CCDC12: variants seen among roughly 807,000 people sequenced by gnomAD.
CCDC12 encodes coiled-coil domain-containing protein 12.
A neutral mutation model predicts 25.7 loss-of-function variants in CCDC12; 28 were observed. The ratio of observed to expected loss-of-function variants is 1.09; its 90% CI spans 0.81 to 1.50. The LOEUF is 1.50. Among genes scored for constraint, CCDC12 ranks in the 40% most tolerant of loss-of-function variants. The pLI is 0.00. For synonymous variants in CCDC12, 75 were observed against 87.7 expected (o/e 0.86, Z 0.81); for missense variants, 198 against 210.0 (o/e 0.94, Z 0.35).
chr3:46,928,077 G>A (rs989578093), intron 2 of CCDC12, among the ~76,000 whole-genome samples: 5 of 152,034 alleles, frequency 3.3e-5, no homozygotes, highest in Non-Finnish European at 2.9e-5. Context: ...GGCGAAACCC[G>A]GTCTCTACTA....
chr3:46,948,609 C>T (rs918610022), intron 1 of CCDC12, among the ~76,000 whole-genome samples: 3 of 152,220 alleles, frequency 2.0e-5, no homozygotes, highest in Admixed American at 1.3e-4. Context: ...CAAGGCCTGA[C>T]GAAGGTTGGT....
At chr3:46,977,660 T>C (rs750096224), upstream of CCDC12, among the ~76,000 whole-genome samples, 1 of 152,140 alleles carries the variant, frequency 6.6e-6, no homozygotes, top group Non-Finnish European at 1.5e-5. Flanking sequence ...CCTGACTGTA[T>C]GGCTGTTTCC....
At chr3:46,961,012 T>C (rs949001029) in intron 1 of CCDC12, among the ~76,000 whole-genome samples, 4 of 99,814 alleles carry the variant, frequency 4.0e-5, no homozygotes, top group Non-Finnish European at 6.1e-5. Flanking sequence ...TGGGAGGGTG[T>C]GGGGAGAAGG....
At chr3:46,932,328 G>T (rs547572576) in intron 2 of CCDC12, among the ~76,000 whole-genome samples, 2 of 152,346 alleles carry the variant, frequency 1.3e-5, no homozygotes, top group East Asian at 3.9e-4. Context: ...ACCAGGCTAT[G>T]AGGGCAAAGG....
At chr3:46,964,284 T>A (rs2034568677) in intron 1 of CCDC12, among the ~76,000 whole-genome samples, 1 of 146,738 alleles carries the variant, frequency 6.8e-6, no homozygotes, top group Non-Finnish European at 1.5e-5. Context: ...GGGAGGGAGG[T>A]GGGGGTCAGC....
rs143906408 is a variant in CCDC12, at chr3:46,940,600, C to G, written c.164+398G>C. 251 of 185,458 alleles carry G rather than the reference C, an allele frequency of 1.4e-3. 2 individuals are homozygous for G. The highest frequency in any genetic ancestry group is 4.6e-3 in the African/African-American group (195 of 42,696). 11.5% of individuals were successfully genotyped at this position (185,458 alleles called of 1,614,324 possible). A position where few individuals can be genotyped will look rare whatever the true frequency, so the allele number is the denominator to read the frequency against. ...TGGCAAGGGCCGACCACAAAGGGCT[C>G]TGGCTAGAGGGAAACCAGAGGAGGT... On this transcript the variant is annotated intron_variant, in intron 2 of 6. Transcript: ENST00000683445.
rs1348288934 is a variant in CCDC12, at chr3:46,957,969, AC to A, written c.97-16905del. Among the ~76,000 whole-genome samples, 758 of 123,282 alleles carry A rather than the reference AC, an allele frequency of 6.1e-3. 6 individuals are homozygous for A. The highest frequency in any genetic ancestry group is 0.022 in the African/African-American group (727 of 33,808). The allele number at this position is 123,282 out of a possible 152,430, so 80.9% of individuals were successfully genotyped here. On this transcript the variant is annotated intron_variant, in intron 1 of 6. Coordinates refer to ENST00000683445, the MANE Select transcript of CCDC12 (RefSeq NM_001277074.2). ...AAAATAAAAAAATAAATACACACAC[AC>A]ACACACACACACACACACACACACA...
intron 2 of CCDC12, among the ~76,000 whole-genome samples, chr3:46,939,551 G>A (rs1175240102): frequency 6.6e-6 from 1 of 152,188 alleles, no homozygotes; most frequent in Admixed American, 6.5e-5. Flanking sequence ...ATATGTTGGG[G>A]TCACCTGGCA....
chr3:46,981,334 C>T (rs987021150), upstream of CCDC12, among the ~76,000 whole-genome samples: 1 of 152,030 alleles, frequency 6.6e-6, no homozygotes, highest in Admixed American at 6.5e-5. Context: ...CCCAGCTACT[C>T]GGGAGGCTGA....
At chr3:46,970,893 G>A (rs151025785) in intron 1 of CCDC12, among the ~76,000 whole-genome samples, 2 of 152,260 alleles carry the variant, frequency 1.3e-5, no homozygotes, top group East Asian at 1.9e-4. Flanking sequence ...ACTTCTGGAT[G>A]AGCATCAGGA....
chr3:46,967,958 G>A (rs970314025), intron 1 of CCDC12, among the ~76,000 whole-genome samples: 4 of 152,166 alleles, frequency 2.6e-5, no homozygotes, highest in African/African-American at 9.7e-5. Flanking sequence ...CTGAGGTAGG[G>A]CCAGAAAAAA....
rs151071993 is a variant in CCDC12, at chr3:46,959,975, T to C, written c.96+16662A>G. ...ACTACTCATAAGCCAACCAATGAGA[T>C]AAAGCAGGGTATGTATATCGATACT... is the stretch of plus-strand genomic sequence containing the variant. On this transcript the variant is annotated intron_variant, in intron 1 of 6. Transcript: ENST00000683445. 4.6e-5 allele frequency among the ~76,000 whole-genome samples: 7 copies of C among 152,246 alleles called. No individual in the cohort carries two copies. The East Asian group carries it at 9.7e-4, about 21-fold the overall frequency.
At position 46,946,208 on chromosome 3, in the gene CCDC12, C is replaced by T. The variant is rs377107342; in HGVS notation, c.97-5143G>A. Among the ~76,000 whole-genome samples, 10 of 152,344 alleles carry T rather than the reference C, an allele frequency of 6.6e-5. No homozygotes were observed. The East Asian group carries it at 1.5e-3, about 23-fold the overall frequency. ...TCTCTTTCCTTGCACCCCTCAGTCT[C>T]CTTTGTGGGCCAGGTCTACCTTGGG... On this transcript the variant is annotated intron_variant, in intron 1 of 6. Coordinates refer to ENST00000683445, the MANE Select transcript of CCDC12 (RefSeq NM_001277074.2).
At chr3:46,931,123 C>T (rs964615966) in intron 2 of CCDC12, among the ~76,000 whole-genome samples, 2 of 152,184 alleles carry the variant, frequency 1.3e-5, no homozygotes, top group Non-Finnish European at 2.9e-5. Flanking sequence ...GTGGCTGGGC[C>T]GGGGCAGCCA....
intron 2 of CCDC12, among the ~76,000 whole-genome samples, chr3:46,930,790 G>A (rs2033175944): frequency 6.6e-6 from 1 of 152,128 alleles, no homozygotes; most frequent in Non-Finnish European, 1.5e-5. Flanking sequence ...GCCCCTCCCA[G>A]TGTCCCTACT....
chr3:46,939,685 C>G (rs1375360209), intron 2 of CCDC12, among the ~76,000 whole-genome samples: 1 of 152,204 alleles, frequency 6.6e-6, no homozygotes, highest in Non-Finnish European at 1.5e-5. Context: ...TTTAGCATCA[C>G]CAGCCTCTAA....
intron 1 of CCDC12, among the ~76,000 whole-genome samples, chr3:46,956,088 A>T (rs1333025175): frequency 6.6e-6 from 1 of 152,244 alleles, no homozygotes; most frequent in East Asian, 1.9e-4. Context: ...TCTCTCAAAT[A>T]AACAGCCCTA....
intron 1 of CCDC12, among the ~76,000 whole-genome samples, chr3:46,953,910 A>C (rs967547328): frequency 2.6e-5 from 4 of 152,096 alleles, no homozygotes; most frequent in Non-Finnish European, 5.9e-5. Flanking sequence ...CTTTTCTTGG[A>C]GGGGAAAAAA....
intron 1 of CCDC12, among the ~76,000 whole-genome samples, chr3:46,961,591 G>T (rs764024611): frequency 2.6e-5 from 4 of 152,210 alleles, no homozygotes; most frequent in African/African-American, 4.8e-5. Flanking sequence ...ACAGGACGCA[G>T]CATACCCACT....
Sources: gnomAD v4.1 joint callset for allele counts (sites outside exome capture counted in the v4.1 genomes callset) on GRCh38, gnomAD v4.1.1 for gene constraint, MANE v1.5 for transcripts, NCBI Gene and HGNC (gene_info 2026-07-23, HGNC 2026-07-21) for gene names.